Variants in RIPOR1 observed in about 807,000 individuals in gnomAD.
RIPOR1 encodes the protein rho family-interacting cell polarization regulator 1.
Under a neutral mutation model 116.5 loss-of-function variants are expected in RIPOR1, and 58 were observed. The ratio of observed to expected loss-of-function variants is 0.50; its 90% confidence interval spans 0.40 to 0.62. The LOEUF is 0.62. RIPOR1 is among the 20% of genes least tolerant of loss of function. The pLI is 0.00. For synonymous variants in RIPOR1, 605 were observed against 650.0 expected, an observed-to-expected ratio of 0.93 and a Z score of 1.05; for missense variants, 1,372 against 1,586.2, an observed-to-expected ratio of 0.86 and a Z score of 2.29.
chr16:67,545,718 T>C lies in RIPOR1; in HGVS notation c.3245T>C (p.Leu1082Pro), dbSNP rs779862044. 3 of 1,596,770 alleles carry C rather than the reference T, an allele frequency of 1.9e-6. No individual in the cohort carries two copies. Among genetic ancestry groups the C allele is most frequent in the South Asian group, 2.3e-5 (2 of 88,166 alleles). The change falls in exon 19 of 22, where the codon CTG becomes CCG. Residue 1082 changes from leucine (L) to proline (P), a missense_variant. This residue lies in a region of RIPOR1 where 1,005 missense variants were observed against 1,144.7 expected (regional missense o/e 0.88). Coordinates refer to ENST00000042381, the MANE Select transcript of RIPOR1 (RefSeq NM_024519.4). This position sits in a 1 kb window ranked among gnomAD's most constrained non-coding sequence, Gnocchi z 4.8. ...GATCAGGCTGTTGTGCTGAAGGCCC[T>C]GAGATTGGCGCCCGAGGGGCGTCTG... ...SDDQAVVLKA[L>P]RLAPEGRLRR...
Position 67,543,835 on chromosome 16 carries a change from A to C in RIPOR1, c.2600+366A>C, listed in dbSNP as rs1597654871. On this transcript the variant is annotated intron_variant, in intron 14 of 21. Coordinates refer to ENST00000042381, the MANE Select transcript of RIPOR1 (RefSeq NM_024519.4). The surrounding 1 kb of genome is among the most constrained non-coding windows in gnomAD (Gnocchi z 4.7). ...GAGCTCTCTCAGTGTCTCGCCGTGC[A>C]CCCTGGGACCCCAGCACTGCCCCAC... The C allele has an allele frequency of 2.7e-6, 1 of 367,074 alleles. No individual in the cohort carries two copies. The allele number at this position is 367,074 out of a possible 1,614,324, so 22.7% of individuals were successfully genotyped here.
At position 67,544,093 on chromosome 16, in the gene RIPOR1, G is replaced by A. The variant is rs752467883; in HGVS notation, c.2601-206G>A. Reference sequence around the variant, plus strand: ...TGGTCCCAGCTGGAGGTAGCATGGCGCAGACTGACTCCAGAGATCCCTACT... The same window carrying A: ...TGGTCCCAGCTGGAGGTAGCATGGCACAGACTGACTCCAGAGATCCCTACT... On this transcript the variant is annotated intron_variant, in intron 14 of 21. Transcript: ENST00000042381. The surrounding 1 kb of genome is among the most constrained non-coding windows in gnomAD (Gnocchi z 5.1). Among the ~76,000 whole-genome samples, 10 of 152,104 alleles carry A rather than the reference G, an allele frequency of 6.6e-5. No homozygotes were observed. The highest frequency in any genetic ancestry group is 1.3e-4 in the Non-Finnish European group (9 of 68,016).
At position 67,530,163 on chromosome 16, in the gene RIPOR1, G is replaced by C. The variant is rs1431149465; in HGVS notation, c.-24+1249G>C. On this transcript the variant is annotated intron_variant, in intron 1 of 21. Coordinates refer to ENST00000042381, the MANE Select transcript of RIPOR1 (RefSeq NM_024519.4). The surrounding 1 kb of genome is among the most constrained non-coding windows in gnomAD (Gnocchi z 4.5). ...GGACTCTGGGCTGGGTCCCGCTTGA[G>C]AGAAGCGGGCGGGGAGGGCGCGGGT... 1.2e-5 allele frequency: 5 copies of C among 403,944 alleles called. No homozygotes were observed. The highest frequency in any genetic ancestry group is 8.4e-5 in the Admixed American group (2 of 23,866). The allele number at this position is 403,944 out of a possible 1,614,324, so 25.0% of individuals were successfully genotyped here. A position where few individuals can be genotyped will look rare whatever the true frequency, so the allele number is the denominator to read the frequency against.
At chr16:67,524,979 T>A (rs539988747), upstream of RIPOR1, among the ~76,000 whole-genome samples, 1 of 152,340 alleles carries the variant, frequency 6.6e-6, no homozygotes, top group Non-Finnish European at 1.5e-5. Flanking sequence ...GGTAAAATCC[T>A]TGCTCCCCAG....
chr16:67,538,275 G>C, intron 1 of RIPOR1, 149 bp from the exon 2 acceptor site: 1 of 1,017,976 alleles, frequency 9.8e-7, no homozygotes, highest in Non-Finnish European at 1.4e-6. Context: ...TTAGTGCCCG[G>C]GTCGGCGGGA....
intron 1 of RIPOR1, among the ~76,000 whole-genome samples, chr16:67,519,092 C>T (rs1172529033): frequency 1.3e-5 from 2 of 152,164 alleles, no homozygotes; most frequent in South Asian, 4.1e-4. Context: ...TGAGACCAGC[C>T]TGGACAACAC....
chr16:67,542,846 T>A lies in RIPOR1; in HGVS notation c.2060T>A (p.Leu687His), dbSNP rs770950677. 3.1e-6 allele frequency: 5 copies of A among 1,612,574 alleles called. No individual in the cohort carries two copies. In the Admixed American group the frequency reaches 8.4e-5, roughly 27 times the overall value. ...SPSTSLELAT[L>H]SSPSKHSDPT... Reference sequence around the variant, plus strand: ...TCCACTTCTCTAGAACTTGCTACCCTCTCCAGCCCCTCCAAACACTCAGAC... The same window carrying A: ...TCCACTTCTCTAGAACTTGCTACCCACTCCAGCCCCTCCAAACACTCAGAC... The change falls in exon 13 of 22, where the codon CTC becomes CAC. Residue 687 changes from leucine (L) to histidine (H), a missense_variant. Physicochemically the swap from Leu to His is moderately conservative, Grantham distance 99. Around this residue, in one of 3 missense-constraint regions of RIPOR1, gnomAD observed 1,005 missense variants for 1,144.7 expected, o/e 0.88. Coordinates refer to ENST00000042381, the MANE Select transcript of RIPOR1 (RefSeq NM_024519.4). The surrounding 1 kb of genome is among the most constrained non-coding windows in gnomAD (Gnocchi z 4.6).
chr16:67,542,058 T>G lies in RIPOR1; in HGVS notation c.1272T>G (p.Ser424=). 6.2e-7 allele frequency: 1 copy of G among 1,606,390 alleles called. No homozygotes were observed. The highest frequency in any genetic ancestry group is 1.3e-5 in the African/African-American group (1 of 74,862). The change falls in exon 13 of 22, where the codon TCT becomes TCG. Residue 424 remains serine, a synonymous_variant. Coordinates refer to ENST00000042381, the MANE Select transcript of RIPOR1 (RefSeq NM_024519.4). The surrounding 1 kb of genome is among the most constrained non-coding windows in gnomAD (Gnocchi z 4.6). ...VAFRRPETPS[S]GPLDEEGAVA... ...TCCGCAGGCCTGAGACCCCCAGCTC[T>G]GGGCCCTTGGATGAGGAGGGGGCCG...
chr16:67,544,329 G>A lies in RIPOR1; in HGVS notation c.2631G>A (p.Glu877=). ...CAAGCAGCCCGGAGGCTGGGGCTGA[G>A]GACAGCATAGACTCACCCAGTGCCC... The part of the protein sequence containing the change: ...RPPSSPEAGA[E]DSIDSPSARP... The change falls in exon 15 of 22, where the codon GAG becomes GAA. Residue 877 remains glutamate (E), a synonymous_variant. Transcript: ENST00000042381. The surrounding 1 kb of genome is among the most constrained non-coding windows in gnomAD (Gnocchi z 5.1). 1.9e-6 allele frequency: 3 copies of A among 1,612,292 alleles called. No homozygotes were observed. Among genetic ancestry groups the A allele is most frequent in the African/African-American group, 1.3e-5 (1 of 74,998 alleles).
Position 67,541,212 on chromosome 16 carries a change from C to A in RIPOR1, c.802-218C>A. ...TCCCAAGTAGCTGGGACTACAGGTGCACCACCATGCCTGGCTAAAAATTTT... is the reference window on the plus strand; with the variant it reads ...TCCCAAGTAGCTGGGACTACAGGTGAACCACCATGCCTGGCTAAAAATTTT... On this transcript the variant is annotated intron_variant, in intron 10 of 21. Coordinates refer to ENST00000042381, the MANE Select transcript of RIPOR1 (RefSeq NM_024519.4). The surrounding 1 kb of genome is among the most constrained non-coding windows in gnomAD (Gnocchi z 4.6). The A allele has an allele frequency of 1.9e-6, 1 of 536,776 alleles. No individual in the cohort carries two copies. The allele number at this position is 536,776 out of a possible 1,614,324, so 33.3% of individuals were successfully genotyped here.
At chr16:67,524,597 T>A (rs191054322), upstream of RIPOR1, among the ~76,000 whole-genome samples, 1 of 152,152 alleles carries the variant, frequency 6.6e-6, no homozygotes, top group Non-Finnish European at 1.5e-5. Flanking sequence ...CTGACCATAT[T>A]ACCTTTCCCT....
Position 67,544,960 on chromosome 16 carries a change from GC to G in RIPOR1, c.2875del (p.Gln959SerfsTer10), listed in dbSNP as rs2051118908. The G allele has an allele frequency of 6.2e-7, 1 of 1,612,166 alleles. No individual in the cohort carries two copies. Among genetic ancestry groups the G allele is most frequent in the Non-Finnish European group, 8.5e-7 (1 of 1,179,998 alleles). On this transcript the variant is annotated frameshift_variant, in exon 17 of 22. Transcript: ENST00000042381. LOFTEE classifies it high-confidence loss of function. The surrounding 1 kb of genome is among the most constrained non-coding windows in gnomAD (Gnocchi z 5.1). ...IPASSAQEVV[Q>X]FSASRPGFLT... ...GTTTCCCTCACCCCCTCACAGTGGT[GC>G]AGTTCTCGGCCTCTCGGCCTGGCTT...
chr16:67,544,828 A>G lies in RIPOR1; in HGVS notation c.2867A>G (p.Glu956Gly). 1.3e-6 allele frequency: 2 copies of G among 1,593,310 alleles called. No individual in the cohort carries two copies. Among genetic ancestry groups the G allele is most frequent in the Non-Finnish European group, 8.6e-7 (1 of 1,165,816 alleles). The change falls in exon 16 of 22, where the codon GAA becomes GGA. Residue 956 changes from glutamate to glycine, a missense_variant and splice_region_variant. Glu to Gly is a moderately conservative substitution (Grantham distance 98, BLOSUM62 -2). This residue lies in a region of RIPOR1 where 1,005 missense variants were observed against 1,144.7 expected (regional missense o/e 0.88). Coordinates refer to ENST00000042381, the MANE Select transcript of RIPOR1 (RefSeq NM_024519.4). The surrounding 1 kb of genome is among the most constrained non-coding windows in gnomAD (Gnocchi z 5.1). ...GAGATCCCGGCCAGCTCTGCCCAGGAAGGTAAAGGCCCTGGGGGTTCGGGC... is the reference window on the plus strand; with the variant it reads ...GAGATCCCGGCCAGCTCTGCCCAGGGAGGTAAAGGCCCTGGGGGTTCGGGC... ...RWEIPASSAQ[E>G]VVQFSASRPG...
chr16:67,536,447 G>A (rs532920156), intron 1 of RIPOR1, among the ~76,000 whole-genome samples: 1 of 152,186 alleles, frequency 6.6e-6, no homozygotes, highest in Non-Finnish European at 1.5e-5. Context: ...AAAAAAGAGA[G>A]GTACTGGGGA....
Position 67,544,651 on chromosome 16 carries a change from C to T in RIPOR1, c.2734-44C>T, listed in dbSNP as rs1288413607. ...TGTCCCTGAGCACGATCCTCCCGAG[C>T]CCTACCCTGAGGCCTGAGCTACTTG... On this transcript the variant is annotated intron_variant, in intron 15 of 21. Transcript: ENST00000042381. The surrounding 1 kb of genome is among the most constrained non-coding windows in gnomAD (Gnocchi z 5.1). 6.2e-7 allele frequency: 1 copy of T among 1,608,926 alleles called. No individual in the cohort carries two copies. The highest frequency in any genetic ancestry group is 8.5e-7 in the Non-Finnish European group (1 of 1,179,744).
At position 67,542,253 on chromosome 16, in the gene RIPOR1, G is replaced by A; in HGVS notation, c.1467G>A (p.Glu489=). The A allele has an allele frequency of 6.2e-7, 1 of 1,613,520 alleles. No individual in the cohort carries two copies. Among genetic ancestry groups the A allele is most frequent in the African/African-American group, 1.3e-5 (1 of 74,926 alleles). Residue 489 remains glutamate (E), a synonymous_variant, in exon 13 of 22, where the codon GAG becomes GAA. Coordinates refer to ENST00000042381, the MANE Select transcript of RIPOR1 (RefSeq NM_024519.4). This position sits in a 1 kb window ranked among gnomAD's most constrained non-coding sequence, Gnocchi z 4.6. ...CACACCCAGCTCCCACCCATGGAGAGCACCCCAGTCCTGTTCCTCCTGCCC... is the reference window on the plus strand; with the variant it reads ...CACACCCAGCTCCCACCCATGGAGAACACCCCAGTCCTGTTCCTCCTGCCC... ...PPTHPAPTHG[E]HPSPVPPALD... is the part of the protein sequence containing the mutation.
In RIPOR1 at chr16:67,543,273, G is replaced by A. The variant is rs750771749; in HGVS notation, c.2478+9G>A. On this transcript the variant is annotated intron_variant, in intron 13 of 21. Transcript: ENST00000042381. The surrounding 1 kb of genome is among the most constrained non-coding windows in gnomAD (Gnocchi z 4.7). ...TAGAAAGTCTGCTCATGGTGAGGAG[G>A]GCTGGGCTGGGCTAGGGCAACCAGG... 2.5e-6 allele frequency: 4 copies of A among 1,602,108 alleles called. No individual in the cohort carries two copies. In the African/African-American group the frequency reaches 4.0e-5, roughly 16 times the overall value.
chr16:67,520,062 CAAAAAA>C (rs796368368), intron 1 of RIPOR1, among the ~76,000 whole-genome samples: 1 of 46,024 alleles, frequency 2.2e-5, no homozygotes, highest in Non-Finnish European at 5.8e-5. Flanking sequence ...AACTCCGTCT[CAAAAAA>C]AAAAAAAAAA....
rs1039394663 is a variant in RIPOR1 at position 67,537,220 on chromosome 16, C to T, written c.-23-1204C>T. Among the ~76,000 whole-genome samples, 2 of 152,144 alleles carry T rather than the reference C, an allele frequency of 1.3e-5. No homozygotes were observed. Among genetic ancestry groups the T allele is most frequent in the African/African-American group, 2.4e-5 (1 of 41,440 alleles). On this transcript the variant is annotated intron_variant, in intron 1 of 21. Transcript: ENST00000042381. This position sits in a 1 kb window ranked among gnomAD's most constrained non-coding sequence, Gnocchi z 4.6. ...GAGCCACTGTGCCCGGCCTCAATAG[C>T]GACTCTTTAAGCCCCCTACTCTAAT...
Sources: gnomAD v4.1 joint callset for allele counts (sites outside exome capture counted in the v4.1 genomes callset) on GRCh38, gnomAD v4.1.1 for gene constraint, gnomAD v4.1.1 regional missense constraint, Gnocchi (gnomAD v3.1) non-coding constraint, MANE v1.5 for transcripts, NCBI Gene and HGNC (gene_info 2026-07-23, HGNC 2026-07-21) for gene names.